The following RASGRF2 variants were observed in gnomAD, a reference collection of about 807,000 sequenced individuals.
The protein encoded by RASGRF2 is Ras protein specific guanine nucleotide releasing factor 2, also known as ras-specific guanine nucleotide-releasing factor 2.
Under a neutral mutation model 151.0 loss-of-function variants are expected in RASGRF2, and 76 were observed. That is an observed-to-expected ratio of 0.50 (90% CI 0.42 to 0.61). RASGRF2 has a LOEUF of 0.61. Among genes scored for constraint, RASGRF2 ranks in the 20% least tolerant of loss-of-function variants. The pLI is 0.00. For missense variants in RASGRF2, 1,148 were observed against 1,564.6 expected (o/e 0.73, Z 4.49); for synonymous variants, 504 against 566.5 (o/e 0.89, Z 1.57).
chr5:81,212,812 T>G (rs1160872041), intron 23 of RASGRF2, among the ~76,000 whole-genome samples: 1 of 152,174 alleles, frequency 6.6e-6, no homozygotes, highest in East Asian at 1.9e-4. Context: ...AGTCAAGAGT[T>G]GTTTCCTGAA....
chr5:81,134,235 A>C (rs1413694276), intron 17 of RASGRF2, among the ~76,000 whole-genome samples: 1 of 152,178 alleles, frequency 6.6e-6, no homozygotes, highest in Non-Finnish European at 1.5e-5. Flanking sequence ...GAATGTGGTT[A>C]AAACAGTTGT....
At chr5:81,035,444 A>G (rs1483894279) in intron 1 of RASGRF2, among the ~76,000 whole-genome samples, 2 of 152,064 alleles carry the variant, frequency 1.3e-5, no homozygotes, top group Non-Finnish European at 2.9e-5. Flanking sequence ...GGGGAGCATT[A>G]CACACCAGGG....
chr5:81,217,571 CTTCTTTTTTTTTTTTT>C, intron 25 of RASGRF2, 98 bp downstream of exon 25: 4 of 360,650 alleles, frequency 1.1e-5, no homozygotes, highest in Non-Finnish European at 1.6e-5. Context: ...TTTTTTTTCT[CTTCTTTTTTTTTTTTT>C]TTTTTTTTTT....
intron 1 of RASGRF2, among the ~76,000 whole-genome samples, chr5:80,993,120 C>G (rs1427814576): frequency 6.6e-6 from 1 of 152,110 alleles, no homozygotes; most frequent in African/African-American, 2.4e-5. Context: ...AGGTTGATGG[C>G]ATAATGTCTA....
intron 26 of RASGRF2, among the ~76,000 whole-genome samples, chr5:81,221,021 G>T (rs970725155): frequency 5.9e-5 from 9 of 152,152 alleles, no homozygotes; most frequent in African/African-American, 2.2e-4. Flanking sequence ...TTTACTCAGG[G>T]TTAGCCTGGG....
intron 2 of RASGRF2, among the ~76,000 whole-genome samples, chr5:81,066,174 C>G (rs574896494): frequency 6.6e-6 from 1 of 152,186 alleles, no homozygotes; most frequent in Non-Finnish European, 1.5e-5. Context: ...CTTAAGTTCT[C>G]CCACAGCATA....
At chr5:80,962,569 G>GTT (rs1747597319) in intron 1 of RASGRF2, among the ~76,000 whole-genome samples, 1 of 147,758 alleles carries the variant, frequency 6.8e-6, no homozygotes, top group Admixed American at 6.7e-5. Flanking sequence ...CAAATTATTT[G>GTT]TTTTCTTCAT....
chr5:81,201,273 G>C, intron 18 of RASGRF2, 57 bp from the exon 19 acceptor site: 1 of 1,565,818 alleles, frequency 6.4e-7, no homozygotes, highest in Non-Finnish European at 8.6e-7. Context: ...GGTGTCATGT[G>C]TCATAGAGCT....
chr5:81,047,683 CT>C (rs1476156956), intron 2 of RASGRF2, among the ~76,000 whole-genome samples: 1 of 152,236 alleles, frequency 6.6e-6, no homozygotes, highest in African/African-American at 2.4e-5. Context: ...TGACCTAACC[CT>C]TTGTTTCACC....
intron 1 of RASGRF2, among the ~76,000 whole-genome samples, chr5:80,966,173 A>G (rs1165732401): frequency 6.6e-6 from 1 of 151,800 alleles, no homozygotes; most frequent in Non-Finnish European, 1.5e-5. Context: ...TGAATATTAA[A>G]CCTTTGTTAG....
chr5:81,106,034 A>G lies in RASGRF2; in HGVS notation c.1756-2962A>G, dbSNP rs542879611. ...AAGACAGCCATTTAGTAAAATCCCAATGCTGTGTAATCAATGCATCTTCTT... is the reference window on the plus strand; with the variant it reads ...AAGACAGCCATTTAGTAAAATCCCAGTGCTGTGTAATCAATGCATCTTCTT... On this transcript the variant is annotated intron_variant, in intron 12 of 26. Transcript: ENST00000265080. 2.6e-4 allele frequency among the ~76,000 whole-genome samples: 40 copies of G among 152,326 alleles called. No homozygotes were observed. In the South Asian group the frequency reaches 7.9e-3, roughly 30 times the overall value.
Position 81,032,265 on chromosome 5 carries a change from A to G in RASGRF2, c.289-10612A>G, listed in dbSNP as rs190009640. Among the ~76,000 whole-genome samples the G allele has an allele frequency of 3.4e-3, 516 of 152,338 alleles. 5 individuals carry two copies. Among genetic ancestry groups the G allele is most frequent in the African/African-American group, 0.012 (504 of 41,568 alleles). Reference sequence around the variant, plus strand: ...TTTCTGAAACTATTCCAATCAACAGAAAAAGAGGGAATCCTCCCTAACTCA... The same window carrying G: ...TTTCTGAAACTATTCCAATCAACAGGAAAAGAGGGAATCCTCCCTAACTCA... On this transcript the variant is annotated intron_variant, in intron 1 of 26. Transcript: ENST00000265080.
At chr5:80,978,718 C>T (rs1161358876) in intron 1 of RASGRF2, among the ~76,000 whole-genome samples, 3 of 151,400 alleles carry the variant, frequency 2.0e-5, no homozygotes, top group Admixed American at 1.3e-4. Context: ...ACCCAGGAGG[C>T]GGAGGCTGCA....
At chr5:80,982,725 C>T (rs187541597) in intron 1 of RASGRF2, among the ~76,000 whole-genome samples, 1,708 of 151,702 alleles carry the variant, frequency 0.011, 30 homozygotes, top group African/African-American at 0.039. Flanking sequence ...CTCAGTCTCC[C>T]GAGTAGCTGG....
intron 2 of RASGRF2, among the ~76,000 whole-genome samples, chr5:81,058,532 G>C (rs111997880): frequency 6.2e-4 from 94 of 152,314 alleles, no homozygotes; most frequent in African/African-American, 2.1e-3. Flanking sequence ...AGCAGAATAG[G>C]AGTAGTAAAC....
intron 1 of RASGRF2, among the ~76,000 whole-genome samples, chr5:80,975,190 A>T (rs1748074451): frequency 6.6e-6 from 1 of 151,982 alleles, no homozygotes; most frequent in South Asian, 2.1e-4. Flanking sequence ...AAAGTGGCAA[A>T]CGCCTCTTTA....
At chr5:81,018,113 A>AAAG in intron 1 of RASGRF2, among the ~76,000 whole-genome samples, 1 of 152,108 alleles carries the variant, frequency 6.6e-6, no homozygotes, top group Non-Finnish European at 1.5e-5. Context: ...TCTCAAAAAA[A>AAAG]AAAGAAAGAA....
chr5:80,970,744 C>T (rs893962116), intron 1 of RASGRF2, among the ~76,000 whole-genome samples: 3 of 152,142 alleles, frequency 2.0e-5, no homozygotes, highest in East Asian at 1.9e-4. Context: ...GGCTTAACTG[C>T]GAAACAGCAG....
chr5:81,219,588 G>C (rs1024876413), intron 25 of RASGRF2, 122 bp from the exon 26 acceptor site: 4 of 703,566 alleles, frequency 5.7e-6, no homozygotes, highest in Non-Finnish European at 9.6e-6. Context: ...GGCTCCACCC[G>C]CCTCACTGGA....
Sources: allele counts gnomAD v4.1 joint callset (sites outside exome capture counted in the v4.1 genomes callset), GRCh38; gene constraint gnomAD v4.1.1; transcripts MANE v1.5; gene names NCBI Gene and HGNC (gene_info 2026-07-23, HGNC 2026-07-21).